WDR20: variants seen among roughly 807,000 people sequenced by gnomAD.
WDR20 encodes WD repeat domain 20, also known as WD repeat-containing protein 20.
Under a neutral mutation model 38.7 loss-of-function variants are expected in WDR20, and 3 were observed. That is an observed-to-expected ratio of 0.08 (90% confidence interval 0.04 to 0.20). WDR20 has a LOEUF of 0.20. WDR20 is among the 10% of genes least tolerant of loss of function. The pLI is 1.00. For missense variants in WDR20, 559 were observed against 727.7 expected, an observed-to-expected ratio of 0.77 and a Z score of 2.67; for synonymous variants, 298 against 285.6, an observed-to-expected ratio of 1.04 and a Z score of -0.44.
At chr14:102,204,071 C>T (rs1438686422) in intron 2 of WDR20, among the ~76,000 whole-genome samples, 1 of 152,172 alleles carries the variant, frequency 6.6e-6, no homozygotes, top group Non-Finnish European at 1.5e-5. Flanking sequence ...CAGGCTGGTG[C>T]CCTGTTCCTT....
At chr14:102,158,621 C>G (rs1033270306) in intron 1 of WDR20, among the ~76,000 whole-genome samples, 1 of 152,042 alleles carries the variant, frequency 6.6e-6, no homozygotes, top group African/African-American at 2.4e-5. Context: ...CAACTTTGTC[C>G]TCAGATCTTC....
chr14:102,168,107 C>T (rs1053280453), intron 1 of WDR20, among the ~76,000 whole-genome samples: 1 of 152,062 alleles, frequency 6.6e-6, no homozygotes, highest in African/African-American at 2.4e-5. Flanking sequence ...TTTCTCTCTT[C>T]CCCCCACTTC....
At chr14:102,224,672 C>T (rs1422227761), downstream of WDR20, 1 of 456,038 alleles carries the variant, frequency 2.2e-6, no homozygotes, top group South Asian at 1.5e-5. Context: ...CACATCAGCT[C>T]AGCCCTCGGT....
intron 1 of WDR20, among the ~76,000 whole-genome samples, chr14:102,155,955 T>G (rs1162722316): frequency 1.3e-5 from 2 of 150,898 alleles, no homozygotes; most frequent in East Asian, 1.9e-4. Context: ...TTTTTTTTTT[T>G]GTGGAGACAA....
chr14:102,175,715 G>T (rs2061911055), intron 1 of WDR20, among the ~76,000 whole-genome samples: 1 of 152,108 alleles, frequency 6.6e-6, no homozygotes, highest in Admixed American at 6.5e-5. Flanking sequence ...TGTCATCTGT[G>T]ATTTCTTTTA....
At chr14:102,224,354 TCTTA>T, downstream of WDR20, 1 of 346,118 alleles carries the variant, frequency 2.9e-6, no homozygotes, top group South Asian at 2.3e-5. Flanking sequence ...CTGAGATTTT[TCTTA>T]CTTGGTTGAA....
rs779883447 is a variant in WDR20 at position 102,208,986 on chromosome 14, G to A, written c.816G>A (p.Pro272=). Residue 272 remains proline, a synonymous_variant, in exon 3 of 3, where the codon CCG becomes CCA. Transcript: ENST00000342702. The surrounding 1 kb of genome is among the most constrained non-coding windows in gnomAD (Gnocchi z 5.6). ...GCTTGCTGTGTGTGTGCTGGAGCCC[G>A]GATGGCAAGTACATCGTGACAGGTG... is the stretch of plus-strand genomic sequence containing the variant. ...FGGLLCVCWS[P]DGKYIVTGGE... 94 of 1,614,050 alleles carry A rather than the reference G, an allele frequency of 5.8e-5. No individual in the cohort carries two copies. Among genetic ancestry groups the A allele is most frequent in the East Asian group, 4.0e-4 (18 of 44,898 alleles).
chr14:102,224,375 T>C, downstream of WDR20: 1 of 353,964 alleles, frequency 2.8e-6, no homozygotes, highest in South Asian at 2.2e-5. Flanking sequence ...TGAAACCAGC[T>C]CGTGAGCATC....
chr14:102,179,872 C>T (rs1157227919), intron 1 of WDR20, among the ~76,000 whole-genome samples: 4 of 151,166 alleles, frequency 2.6e-5, no homozygotes, highest in African/African-American at 9.7e-5. Flanking sequence ...ATAACAGTTA[C>T]GTCGGGACGG....
chr14:102,151,754 T>TA (rs2055958504), intron 1 of WDR20, among the ~76,000 whole-genome samples: 1 of 151,286 alleles, frequency 6.6e-6, no homozygotes, highest in Admixed American at 6.6e-5. Flanking sequence ...TTTTTTTTTT[T>TA]AATGAAACAA....
chr14:102,164,484 A>G (rs1160563701), intron 1 of WDR20, among the ~76,000 whole-genome samples: 1 of 152,154 alleles, frequency 6.6e-6, no homozygotes, highest in Non-Finnish European at 1.5e-5. Context: ...TTTAGCTCCA[A>G]AATCGCTAAT....
intron 1 of WDR20, among the ~76,000 whole-genome samples, chr14:102,164,417 C>A (rs776752649): frequency 1.3e-5 from 2 of 152,118 alleles, no homozygotes; most frequent in African/African-American, 2.4e-5. Flanking sequence ...TCCTCTAGTC[C>A]ACCTCTGGCA....
intron 1 of WDR20, among the ~76,000 whole-genome samples, chr14:102,165,341 G>C (rs747221515): frequency 6.6e-6 from 1 of 152,140 alleles, no homozygotes; most frequent in Non-Finnish European, 1.5e-5. Context: ...AGACTTATAA[G>C]AGTTTGTCAA....
intron 1 of WDR20, among the ~76,000 whole-genome samples, chr14:102,157,078 ACTGTGAGACCCCCATCT>A (rs1157293961): frequency 6.6e-6 from 1 of 152,082 alleles, no homozygotes; most frequent in Non-Finnish European, 1.5e-5. Flanking sequence ...CCTGGGCAAC[ACTGTGAGACCCCCATCT>A]CTGCAAAAAA....
downstream of WDR20, among the ~76,000 whole-genome samples, chr14:102,215,343 A>G (rs779801260): frequency 2.0e-5 from 3 of 152,200 alleles, no homozygotes; most frequent in Non-Finnish European, 4.4e-5. Flanking sequence ...CTGGGCCACG[A>G]GCTGGCTTTT....
intron 1 of WDR20, among the ~76,000 whole-genome samples, chr14:102,152,580 A>G (rs2152728940): frequency 6.6e-6 from 1 of 151,812 alleles, no homozygotes; most frequent in Non-Finnish European, 1.5e-5. Context: ...ATGCCCGGCC[A>G]ATTTTCGTAT....
chr14:102,165,013 G>T (rs527671389), intron 1 of WDR20, among the ~76,000 whole-genome samples: 1 of 152,206 alleles, frequency 6.6e-6, no homozygotes, highest in African/African-American at 2.4e-5. Context: ...GCAGAGTTCC[G>T]TCTCTGCCAC....
intron 1 of WDR20, among the ~76,000 whole-genome samples, chr14:102,169,690 G>T (rs1280338993): frequency 1.3e-5 from 2 of 152,016 alleles, no homozygotes; most frequent in African/African-American, 4.8e-5. Context: ...ACTACACCCG[G>T]CTTATTTTTG....
chr14:102,212,843 T>C, downstream of WDR20: 1 of 1,293,030 alleles, frequency 7.7e-7, no homozygotes. Context: ...GCCTAAACGT[T>C]ATTATGAGCA....
Sources: gnomAD v4.1 joint callset for allele counts (sites outside exome capture counted in the v4.1 genomes callset) on GRCh38, gnomAD v4.1.1 for gene constraint, Gnocchi (gnomAD v3.1) non-coding constraint, MANE v1.5 for transcripts, NCBI Gene and HGNC (gene_info 2026-07-23, HGNC 2026-07-21) for gene names.